Variants in AIG1 observed in about 807,000 individuals in gnomAD.
The protein encoded by AIG1 is androgen induced 1, also known as androgen-induced gene 1 protein.
A neutral mutation model predicts 31.4 loss-of-function variants in AIG1; 23 were observed. That is an observed-to-expected ratio of 0.73 (90% CI 0.53 to 1.04). The LOEUF is 1.04. AIG1 is among the 50% of genes least tolerant of loss of function. The probability of loss-of-function intolerance (pLI) is 0.00; values close to 1 mark genes in which losing one functional copy is unlikely to be tolerated. For synonymous variants in AIG1, 100 were observed against 110.5 expected, an observed-to-expected ratio of 0.90 and a Z score of 0.60; for missense variants, 274 against 295.0, an observed-to-expected ratio of 0.93 and a Z score of 0.52.
chr6:143,260,582 CA>C (rs1459901101), intron 3 of AIG1, among the ~76,000 whole-genome samples: 15 of 152,288 alleles, frequency 9.8e-5, no homozygotes, highest in South Asian at 4.1e-4. Context: ...GACCATAGCT[CA>C]AGCAATAAAA....
chr6:143,307,423 G>C (rs987652285), intron 4 of AIG1, among the ~76,000 whole-genome samples: 11 of 152,336 alleles, frequency 7.2e-5, no homozygotes, highest in African/African-American at 2.6e-4. Flanking sequence ...TAACAGACAG[G>C]ACCCTCAGCT....
intron 3 of AIG1, among the ~76,000 whole-genome samples, chr6:143,166,970 C>G (rs913995811): frequency 6.6e-6 from 1 of 152,126 alleles, no homozygotes; most frequent in East Asian, 1.9e-4. Context: ...TTGATAAAAA[C>G]AGTTACATTG....
At chr6:143,223,274 G>A (rs918093165) in intron 3 of AIG1, among the ~76,000 whole-genome samples, 8 of 152,116 alleles carry the variant, frequency 5.3e-5, no homozygotes, top group Non-Finnish European at 1.0e-4. Context: ...AAATCAGAAC[G>A]TTCCAAAATG....
At chr6:143,103,496 G>GTTTTCT (rs1780493289) in intron 1 of AIG1, among the ~76,000 whole-genome samples, 2 of 134,652 alleles carry the variant, frequency 1.5e-5, no homozygotes, top group African/African-American at 5.5e-5. Context: ...AAATACAGAA[G>GTTTTCT]TTTTCTTTTT....
At chr6:143,119,983 G>T (rs139541001) in intron 1 of AIG1, among the ~76,000 whole-genome samples, 7,888 of 152,194 alleles carry the variant, frequency 0.052, 615 homozygotes, top group African/African-American at 0.17. Context: ...AGGTTGGAGT[G>T]CAATGGCATG....
At position 143,333,704 on chromosome 6, in the gene AIG1, T is replaced by C. The variant is rs1777265656; in HGVS notation, c.679+259T>C. ...AAAGAGGCATGTCTATAAAATTTTA[T>C]AGGGAAAAATGTAGTGTTAGCAAAA... is the stretch of plus-strand genomic sequence containing the variant. On this transcript the variant is annotated intron_variant, in intron 5 of 5. Coordinates refer to ENST00000357847, the MANE Select transcript of AIG1 (RefSeq NM_016108.4). The surrounding 1 kb of genome is among the most constrained non-coding windows in gnomAD (Gnocchi z 4.6). 1.3e-5 allele frequency among the ~76,000 whole-genome samples: 2 copies of C among 152,230 alleles called. No homozygotes were observed. The highest frequency in any genetic ancestry group is 6.5e-5 in the Admixed American group (1 of 15,286).
chr6:143,182,328 C>T (rs962348637), intron 3 of AIG1, among the ~76,000 whole-genome samples: 2 of 152,198 alleles, frequency 1.3e-5, no homozygotes, highest in Non-Finnish European at 2.9e-5. Context: ...GCCACTGCAC[C>T]TGGCCTTTTT....
intron 4 of AIG1, among the ~76,000 whole-genome samples, chr6:143,320,194 C>T (rs181255906): frequency 1.6e-4 from 24 of 152,012 alleles, no homozygotes; most frequent in Admixed American, 1.6e-3. Flanking sequence ...GTTAAAATGG[C>T]TATTATAAAG....
intron 2 of AIG1, among the ~76,000 whole-genome samples, chr6:143,159,732 C>G (rs909000543): frequency 6.6e-6 from 1 of 152,158 alleles, no homozygotes; most frequent in African/African-American, 2.4e-5. Context: ...CTTGGACACT[C>G]AGGATTCCAT....
At chr6:143,180,168 A>G (rs1168813377) in intron 3 of AIG1, among the ~76,000 whole-genome samples, 1 of 152,240 alleles carries the variant, frequency 6.6e-6, no homozygotes, top group Non-Finnish European at 1.5e-5. Flanking sequence ...AGAGTTCTCC[A>G]TGGCCTGCAA....
downstream of AIG1, among the ~76,000 whole-genome samples, chr6:143,341,662 A>G (rs1464893347): frequency 1.3e-5 from 2 of 152,206 alleles, no homozygotes; most frequent in Non-Finnish European, 2.9e-5. Flanking sequence ...ACCTGCTGAC[A>G]CCTTGATCTT....
At chr6:143,179,842 T>C (rs1043860527) in intron 3 of AIG1, among the ~76,000 whole-genome samples, 20 of 152,262 alleles carry the variant, frequency 1.3e-4, no homozygotes, top group Admixed American at 6.5e-5. Flanking sequence ...ATATACAATA[T>C]AGCACATTTA....
intron 1 of AIG1, among the ~76,000 whole-genome samples, chr6:143,107,108 A>G (rs1780874042): frequency 6.6e-6 from 1 of 152,200 alleles, no homozygotes; most frequent in African/African-American, 2.4e-5. Flanking sequence ...AATTACCCTC[A>G]TTATACTGTA....
chr6:143,317,619 A>G (rs1775872626), intron 4 of AIG1, among the ~76,000 whole-genome samples: 1 of 152,130 alleles, frequency 6.6e-6, no homozygotes, highest in Non-Finnish European at 1.5e-5. Context: ...CACTCTCACC[A>G]CTTTTAGTCA....
chr6:143,064,770 T>G (rs909645784), intron 1 of AIG1, among the ~76,000 whole-genome samples: 1 of 152,238 alleles, frequency 6.6e-6, no homozygotes, highest in African/African-American at 2.4e-5. Flanking sequence ...CATACATATG[T>G]GTAACAGTGG....
intron 3 of AIG1, among the ~76,000 whole-genome samples, chr6:143,237,448 G>T (rs1387916133): frequency 6.6e-6 from 1 of 152,126 alleles, no homozygotes; most frequent in Non-Finnish European, 1.5e-5. Context: ...TTATGCTAGG[G>T]ACTGGGGCTA....
intron 2 of AIG1, among the ~76,000 whole-genome samples, chr6:143,153,970 G>T (rs1785483200): frequency 6.6e-6 from 1 of 151,394 alleles, no homozygotes; most frequent in Non-Finnish European, 1.5e-5. Context: ...GTTGAAAGTG[G>T]CCAGGTGTGG....
At chr6:143,070,723 G>C (rs997585966) in intron 1 of AIG1, among the ~76,000 whole-genome samples, 23 of 152,158 alleles carry the variant, frequency 1.5e-4, no homozygotes, top group African/African-American at 5.1e-4. Flanking sequence ...GTGATAATCT[G>C]TTAACACATT....
intron 3 of AIG1, chr6:143,187,547 A>G: frequency 6.5e-7 from 1 of 1,536,082 alleles, no homozygotes; most frequent in Non-Finnish European, 8.7e-7. Flanking sequence ...GTAGGCCTGT[A>G]ATATTTGCAT....
Sources: allele counts gnomAD v4.1 joint callset (sites outside exome capture counted in the v4.1 genomes callset), GRCh38; gene constraint gnomAD v4.1.1; non-coding constraint Gnocchi (gnomAD v3.1); transcripts MANE v1.5; gene names NCBI Gene and HGNC (gene_info 2026-07-23, HGNC 2026-07-21).